The following BCL2 variants were observed in gnomAD, a reference collection of about 807,000 sequenced individuals.
BCL2 encodes the protein BCL2 apoptosis regulator, also known as apoptosis regulator Bcl-2.
BCL2 carries 1 observed loss-of-function variant against 14.2 expected under a neutral mutation model. The observed-to-expected ratio is 0.07, with a 90% CI of 0.02 to 0.33. The LOEUF is 0.33. BCL2 is among the 10% of genes least tolerant of loss of function. The pLI is 0.99. For missense variants in BCL2, 247 were observed against 305.9 expected (o/e 0.81, Z 1.44); for synonymous variants, 151 against 137.2 (o/e 1.10, Z -0.70).
At chr18:63,236,286 T>C (rs535557997) in intron 2 of BCL2, among the ~76,000 whole-genome samples, 4 of 152,344 alleles carry the variant, frequency 2.6e-5, no homozygotes, top group Admixed American at 6.5e-5. Context: ...CATAGCAGTA[T>C]GAAAACAGAC....
intron 2 of BCL2, chr18:63,302,939 ACGCCC>A: frequency 1.3e-5 from 12 of 948,206 alleles, no homozygotes; most frequent in Non-Finnish European, 1.5e-5. Flanking sequence ...CTCCCTTGAT[ACGCCC>A]TGGTTGCTGA....
chr18:63,166,587 T>C (rs1213911764), intron 2 of BCL2, among the ~76,000 whole-genome samples: 4 of 152,194 alleles, frequency 2.6e-5, no homozygotes, highest in Admixed American at 2.6e-4. Context: ...TTGGAAATTA[T>C]TTAGGAGACA....
chr18:63,195,883 C>T (rs1017279322), intron 2 of BCL2, among the ~76,000 whole-genome samples: 1 of 152,110 alleles, frequency 6.6e-6, no homozygotes, highest in Non-Finnish European at 1.5e-5. Flanking sequence ...TGTCAGACGA[C>T]GTGTCTTAAT....
At chr18:63,139,979 A>T (rs1246550861) in intron 2 of BCL2, among the ~76,000 whole-genome samples, 1 of 152,222 alleles carries the variant, frequency 6.6e-6, no homozygotes, top group African/African-American at 2.4e-5. Flanking sequence ...TAAATTTTAA[A>T]AAAGGCCAAA....
chr18:63,282,303 C>T (rs993954556), intron 2 of BCL2, among the ~76,000 whole-genome samples: 2 of 152,164 alleles, frequency 1.3e-5, no homozygotes, highest in African/African-American at 2.4e-5. Flanking sequence ...CTTCAAACTG[C>T]GATTCCAATC....
chr18:63,193,745 T>A (rs1411743685), intron 2 of BCL2, among the ~76,000 whole-genome samples: 1 of 152,052 alleles, frequency 6.6e-6, no homozygotes, highest in Non-Finnish European at 1.5e-5. Flanking sequence ...TGGACAAAAA[T>A]GTGCCCTGAG....
intron 2 of BCL2, among the ~76,000 whole-genome samples, chr18:63,276,916 G>A (rs1030793186): frequency 2.0e-5 from 3 of 152,154 alleles, no homozygotes; most frequent in Non-Finnish European, 4.4e-5. Flanking sequence ...GGGTAGATAG[G>A]TTATATTTTC....
chr18:63,319,285 G>A lies in BCL2; in HGVS notation c.-398C>T, dbSNP rs899910666. The A allele has an allele frequency of 2.6e-5, 6 of 229,562 alleles. No homozygotes were observed. The highest frequency in any genetic ancestry group is 2.3e-4 in the Admixed American group (4 of 17,580). 14.2% of individuals were successfully genotyped at this position (229,562 alleles called of 1,614,324 possible). On this transcript the variant is annotated 5_prime_UTR_variant, in exon 1 of 3. Coordinates refer to ENST00000333681, the MANE Select transcript of BCL2 (RefSeq NM_000633.3). ...TCTTCAGCACTCTCCAGTTATAGCT[G>A]ATTTGAAACTTCCCAATGAATCAGG...
At chr18:63,264,174 A>G (rs570976377) in intron 2 of BCL2, among the ~76,000 whole-genome samples, 2 of 152,142 alleles carry the variant, frequency 1.3e-5, no homozygotes, top group Non-Finnish European at 2.9e-5. Context: ...ATCCTCCTTC[A>G]TATTTGCTCA....
intron 2 of BCL2, among the ~76,000 whole-genome samples, chr18:63,261,684 AAAAAT>A (rs1407477687): frequency 6.6e-6 from 1 of 152,228 alleles, no homozygotes; most frequent in African/African-American, 2.4e-5. Flanking sequence ...ACATTTTCTG[AAAAAT>A]AAAATGTCCT....
At chr18:63,292,137 C>T (rs1223455356) in intron 2 of BCL2, among the ~76,000 whole-genome samples, 1 of 146,812 alleles carries the variant, frequency 6.8e-6, no homozygotes, top group Non-Finnish European at 1.5e-5. Context: ...TCTAACGACA[C>T]AGAAACCTAC....
chr18:63,225,789 T>C (rs552436140), intron 2 of BCL2, among the ~76,000 whole-genome samples: 2 of 152,242 alleles, frequency 1.3e-5, no homozygotes, highest in South Asian at 4.1e-4. Flanking sequence ...AAGGAGCGAA[T>C]TCCATACCAG....
At chr18:63,303,816 T>C (rs888655092) in intron 2 of BCL2, among the ~76,000 whole-genome samples, 1 of 152,192 alleles carries the variant, frequency 6.6e-6, no homozygotes, top group Non-Finnish European at 1.5e-5. Context: ...TGACCAATGT[T>C]GTCATAAATG....
rs562787363 is a variant in BCL2, at chr18:63,271,786, A to T, written c.585+46296T>A. Among the ~76,000 whole-genome samples the T allele has an allele frequency of 5.0e-4, 76 of 152,334 alleles. 1 individual carries two copies. In the South Asian group the frequency reaches 5.4e-3, roughly 11 times the overall value. ...GGTTTTGGACATCATCTTGGGGTCT[A>T]ATGTAACAAGAGCTGACCTGGAGGT... On this transcript the variant is annotated intron_variant, in intron 2 of 2. Coordinates refer to ENST00000333681, the MANE Select transcript of BCL2 (RefSeq NM_000633.3).
At chr18:63,186,617 C>A (rs942224887) in intron 2 of BCL2, among the ~76,000 whole-genome samples, 1 of 152,068 alleles carries the variant, frequency 6.6e-6, no homozygotes, top group Non-Finnish European at 1.5e-5. Flanking sequence ...TTCTTTTGTT[C>A]ATGTTGATAT....
intron 2 of BCL2, among the ~76,000 whole-genome samples, chr18:63,135,407 A>G (rs1914183496): frequency 6.6e-6 from 1 of 152,206 alleles, no homozygotes; most frequent in African/African-American, 2.4e-5. Flanking sequence ...CTCTAAACTC[A>G]GTGAGTTCTG....
Position 63,127,335 on chromosome 18 carries a change from T to A in BCL2, c.*1290A>T. 1 of 232,678 alleles carries A rather than the reference T, an allele frequency of 4.3e-6. No individual in the cohort carries two copies. The highest frequency in any genetic ancestry group is 6.0e-5 in the East Asian group (1 of 16,614). 14.4% of individuals were successfully genotyped at this position (232,678 alleles called of 1,614,324 possible). ...CCGTGGCCATTGCCTCTCCTCACGT[T>A]CCCAGCCTTCACCATGTCCTTCTGA... is the stretch of plus-strand genomic sequence containing the variant. On this transcript the variant is annotated 3_prime_UTR_variant, in exon 3 of 3. Coordinates refer to ENST00000333681, the MANE Select transcript of BCL2 (RefSeq NM_000633.3).
intron 2 of BCL2, among the ~76,000 whole-genome samples, chr18:63,269,931 G>T (rs922695944): frequency 6.6e-6 from 1 of 151,892 alleles, no homozygotes; most frequent in African/African-American, 2.4e-5. Context: ...GTTTTGAGGG[G>T]GTAGAAAGGA....
chr18:63,268,011 C>T (rs76393525), intron 2 of BCL2, among the ~76,000 whole-genome samples: 5,895 of 152,302 alleles, frequency 0.039, 262 homozygotes, highest in African/African-American at 0.096. Flanking sequence ...TAATCAGCGG[C>T]GATGCCTTTA....
Sources: allele counts gnomAD v4.1 joint callset (sites outside exome capture counted in the v4.1 genomes callset), GRCh38; gene constraint gnomAD v4.1.1; transcripts MANE v1.5; gene names NCBI Gene and HGNC (gene_info 2026-07-23, HGNC 2026-07-21).